PLEKHG6: variants seen among roughly 807,000 people sequenced by gnomAD.
PLEKHG6 encodes pleckstrin homology and RhoGEF domain containing G6, also known as pleckstrin homology domain-containing family G member 6.
A neutral mutation model predicts 97.5 loss-of-function variants in PLEKHG6; 91 were observed. The ratio of observed to expected loss-of-function variants is 0.93; its 90% CI spans 0.79 to 1.11. PLEKHG6 has a LOEUF of 1.11. PLEKHG6 is among the 50% of genes most tolerant of loss of function. The probability of loss-of-function intolerance (pLI) is 0.00; values close to 1 mark genes in which losing one functional copy is unlikely to be tolerated. For synonymous variants in PLEKHG6, 466 were observed against 425.5 expected (o/e 1.10, Z -1.17); for missense variants, 1,044 against 1,031.0 (o/e 1.01, Z -0.17).
intron 2 of PLEKHG6, chr12:6,312,771 C>G: frequency 3.4e-6 from 4 of 1,186,138 alleles, no homozygotes; most frequent in Non-Finnish European, 4.2e-6. Flanking sequence ...CAGGGTGTCC[C>G]TACTCCTCCA....
rs773595413 is a variant in PLEKHG6, at chr12:6,315,456, G to C, written c.460-98G>C. The C allele has an allele frequency of 2.3e-5, 18 of 798,886 alleles. No homozygotes were observed. The highest frequency in any genetic ancestry group is 3.5e-5 in the Non-Finnish European group (17 of 485,840). 49.5% of individuals were successfully genotyped at this position (798,886 alleles called of 1,614,324 possible). On this transcript the variant is annotated intron_variant, in intron 4 of 15. Transcript: ENST00000684764. This position sits in a 1 kb window ranked among gnomAD's most constrained non-coding sequence, Gnocchi z 4.5. ...AAAAGGTCATGGTCATGCACAAAGT[G>C]CCTAGAACCTATGAAGTGGATCCGG...
chr12:6,326,345 T>G lies in PLEKHG6; in HGVS notation c.1525-83T>G, dbSNP rs1947854269. On this transcript the variant is annotated intron_variant, in intron 13 of 15. Coordinates refer to ENST00000684764, the MANE Select transcript of PLEKHG6 (RefSeq NM_001384598.1). ...TAATAAAATAAAATAAGGTAATATA[T>G]GTAACGCACTTAGCAGGGTGCCTGG... The G allele has an allele frequency of 4.6e-6, 4 of 865,494 alleles. 1 individual carries two copies. The South Asian group carries it at 5.8e-5, about 13-fold the overall frequency. 53.6% of individuals were successfully genotyped at this position (865,494 alleles called of 1,614,324 possible). A position where few individuals can be genotyped will look rare whatever the true frequency, so the allele number is the denominator to read the frequency against.
At chr12:6,319,265 T>G in intron 13 of PLEKHG6, 157 bp downstream of exon 13, 1 of 618,314 alleles carries the variant, frequency 1.6e-6, no homozygotes, top group African/African-American at 1.8e-5. Context: ...CTGGCCAACA[T>G]GGTGAAACCC....
chr12:6,325,417 A>G (rs1285907314), intron 13 of PLEKHG6, among the ~76,000 whole-genome samples: 2 of 152,210 alleles, frequency 1.3e-5, no homozygotes, highest in East Asian at 1.9e-4. Context: ...ATGTGTATCA[A>G]ATGACCACAT....
rs144670321 is a variant in PLEKHG6, at chr12:6,327,403, G to A, written c.1820G>A (p.Arg607His). 3.3e-5 allele frequency: 54 copies of A among 1,614,110 alleles called. No individual in the cohort carries two copies. The highest frequency in any genetic ancestry group is 2.2e-4 in the Admixed American group (13 of 60,022). Reference sequence around the variant, plus strand: ...ACGGGGTCCCGCTCCCCACTGAGCCGTCTACGCCAAAGAGCCCTTCGGCGG... The same window carrying A: ...ACGGGGTCCCGCTCCCCACTGAGCCATCTACGCCAAAGAGCCCTTCGGCGG... The part of the protein sequence containing the change: ...TPTGSRSPLS[R>H]LRQRALRRDP... Residue 607 changes from arginine to histidine, a missense_variant, in exon 15 of 16, where the codon CGT becomes CAT. Coordinates refer to ENST00000684764, the MANE Select transcript of PLEKHG6 (RefSeq NM_001384598.1).
rs1489684616 is a variant in PLEKHG6 at position 6,327,584 on chromosome 12, G to T, written c.2001G>T (p.Trp667Cys). The change falls in exon 15 of 16, where the codon TGG (tryptophan) becomes TGT (cysteine). Residue 667 changes from tryptophan to cysteine, a missense_variant. Transcript: ENST00000684764. ...GSLPQEDPPT[W>C]SEEEDGASER... ...TTCCCCAGGAAGACCCACCAACCTGGTCTGAGGAAGAAGATGGGGCCTCCG... is the reference window on the plus strand; with the variant it reads ...TTCCCCAGGAAGACCCACCAACCTGTTCTGAGGAAGAAGATGGGGCCTCCG... 1.3e-6 allele frequency: 2 copies of T among 1,593,226 alleles called. No homozygotes were observed. The highest frequency in any genetic ancestry group is 1.7e-6 in the Non-Finnish European group (2 of 1,170,206).
chr12:6,326,308 A>T, intron 13 of PLEKHG6, 120 bp from the exon 14 acceptor site: 2 of 558,274 alleles, frequency 3.6e-6, no homozygotes, highest in Non-Finnish European at 5.9e-6. Context: ...CAGTCTCAAA[A>T]AATAATAATA....
rs751406299 is a variant in PLEKHG6 at position 6,316,965 on chromosome 12, G to A, written c.757-338G>A. On this transcript the variant is annotated intron_variant, in intron 7 of 15. Transcript: ENST00000684764. This position sits in a 1 kb window ranked among gnomAD's most constrained non-coding sequence, Gnocchi z 4.1. The stretch of plus-strand genomic sequence containing the variant: ...CTTAGGTCGCCACCCCACCCCCAGG[G>A]TGAAATGGGATCTGCAATGTCCTGA... 1.3e-5 allele frequency among the ~76,000 whole-genome samples: 2 copies of A among 152,180 alleles called. No homozygotes were observed. The highest frequency in any genetic ancestry group is 2.4e-5 in the African/African-American group (1 of 41,438).
chr12:6,324,108 C>T (rs1156871478), intron 13 of PLEKHG6, among the ~76,000 whole-genome samples: 6 of 152,116 alleles, frequency 3.9e-5, no homozygotes, highest in Non-Finnish European at 5.9e-5. Flanking sequence ...CTGGCTTAAG[C>T]GCCAATTTCC....
intron 2 of PLEKHG6, chr12:6,313,198 C>T (rs755960954): frequency 1.1e-5 from 17 of 1,548,842 alleles, no homozygotes; most frequent in African/African-American, 2.7e-5. Flanking sequence ...TGAGTGCCCT[C>T]GTCCCCATGT....
chr12:6,314,274 G>A (rs762736190), intron 3 of PLEKHG6, among the ~76,000 whole-genome samples: 8 of 152,222 alleles, frequency 5.3e-5, no homozygotes, highest in Non-Finnish European at 1.0e-4. Context: ...AGGCCAAGAC[G>A]GGCGGATCAC....
chr12:6,327,217 G>A, intron 14 of PLEKHG6, 37 bp from the exon 15 acceptor site: 5 of 1,340,554 alleles, frequency 3.7e-6, no homozygotes, highest in South Asian at 1.4e-5. Flanking sequence ...ACTTGAACTT[G>A]ACCCCTACGC....
chr12:6,313,403 C>T (rs1947340857), intron 2 of PLEKHG6, among the ~76,000 whole-genome samples: 2 of 152,212 alleles, frequency 1.3e-5, no homozygotes. Context: ...ACTCAGGGAG[C>T]CAGGCTGTCT....
At position 6,327,277 on chromosome 12, in the gene PLEKHG6, TC is replaced by T. The variant is rs1196294638; in HGVS notation, c.1699del (p.His567ThrfsTer4). 5 of 1,604,110 alleles carry T rather than the reference TC, an allele frequency of 3.1e-6. No individual in the cohort carries two copies. The highest frequency in any genetic ancestry group is 2.7e-5 in the African/African-American group (2 of 74,702). The stretch of plus-strand genomic sequence containing the variant: ...AGGACTCCTGAGTTCTCGACCATTA[TC>T]CCCCACCTGGTGGTGACAGAAGACA... ...EGRTPEFSTI[I>X]PHLVVTEDTD... On this transcript the variant is annotated frameshift_variant, in exon 15 of 16. Transcript: ENST00000684764. LOFTEE classifies it high-confidence loss of function.
chr12:6,312,300 G>C lies in PLEKHG6; in HGVS notation c.74G>C (p.Gly25Ala). ...GCCTCCCGCATTGAGACTTATGGGG[G>C]CCGGCATCGAGCCTCTGCTCAGAGC... ...LVASRIETYGGRHRASAQSTA... is the reference protein window; with the variant it reads ...LVASRIETYGARHRASAQSTA... The change falls in exon 2 of 16, where the codon GGC becomes GCC. Residue 25 changes from glycine (G) to alanine (A), a missense_variant. Gly to Ala is a moderately conservative substitution (Grantham distance 60). Coordinates refer to ENST00000684764, the MANE Select transcript of PLEKHG6 (RefSeq NM_001384598.1). 1.3e-6 allele frequency: 2 copies of C among 1,565,976 alleles called. No individual in the cohort carries two copies. Among genetic ancestry groups the C allele is most frequent in the Non-Finnish European group, 1.7e-6 (2 of 1,162,140 alleles).
chr12:6,313,260 T>TGTGCACCACGCCTTGTCC, intron 2 of PLEKHG6: 1 of 1,377,308 alleles, frequency 7.3e-7, no homozygotes, highest in Non-Finnish European at 1.0e-6. Flanking sequence ...CAGAATGCTG[T>TGTGCACCACGCCTTGTCC]GTGCACCACG....
chr12:6,326,177 C>T (rs1384243105), intron 13 of PLEKHG6, among the ~76,000 whole-genome samples: 7 of 151,954 alleles, frequency 4.6e-5, no homozygotes, highest in African/African-American at 9.7e-5. Flanking sequence ...CGTTGGCGGG[C>T]GCCTGTAATC....
chr12:6,317,618 C>T lies in PLEKHG6; in HGVS notation c.939C>T (p.Ile313=), dbSNP rs1383893194. The change falls in exon 9 of 16, where the codon ATC becomes ATT. Residue 313 remains isoleucine (I), a synonymous_variant. Coordinates refer to ENST00000684764, the MANE Select transcript of PLEKHG6 (RefSeq NM_001384598.1). ...TGCTTATCAAGCCCCACCAGCGCAT[C>T]ACCAAGTACCCACTGCTGCTCCATG... ...CDLLIKPHQR[I]TKYPLLLHAV... 1.2e-6 allele frequency: 2 copies of T among 1,614,008 alleles called. No individual in the cohort carries two copies. The highest frequency in any genetic ancestry group is 1.1e-5 in the South Asian group (1 of 91,086).
Position 6,316,130 on chromosome 12 carries a change from G to A in PLEKHG6, c.607-125G>A, listed in dbSNP as rs867522628. ...ATCCTTGAGATCTTCCAGGCCCAGT[G>A]CCCAGTTCATCCTTCTTCACCCCCG... On this transcript the variant is annotated intron_variant, in intron 6 of 15. Coordinates refer to ENST00000684764, the MANE Select transcript of PLEKHG6 (RefSeq NM_001384598.1). The surrounding 1 kb of genome is among the most constrained non-coding windows in gnomAD (Gnocchi z 4.1). 5 of 1,017,374 alleles carry A rather than the reference G, an allele frequency of 4.9e-6. No homozygotes were observed. Among genetic ancestry groups the A allele is most frequent in the Non-Finnish European group, 5.6e-6 (4 of 708,804 alleles). The allele number at this position is 1,017,374 out of a possible 1,614,324, so 63.0% of individuals were successfully genotyped here. A position where few individuals can be genotyped will look rare whatever the true frequency, so the allele number is the denominator to read the frequency against.
Sources: gnomAD v4.1 joint callset for allele counts (sites outside exome capture counted in the v4.1 genomes callset) on GRCh38, gnomAD v4.1.1 for gene constraint, Gnocchi (gnomAD v3.1) non-coding constraint, MANE v1.5 for transcripts, NCBI Gene and HGNC (gene_info 2026-07-23, HGNC 2026-07-21) for gene names.